Variants in ABCC5 observed in about 807,000 individuals in gnomAD.
ABCC5 encodes the protein ATP-binding cassette sub-family C member 5.
In ABCC5, 61 loss-of-function variants were observed where a neutral mutation model predicts 160.9. The observed-to-expected ratio is 0.38, with a 90% CI of 0.31 to 0.47. ABCC5 has a LOEUF of 0.47. Among genes scored for constraint, ABCC5 ranks in the 20% least tolerant of loss-of-function variants. The pLI is 0.99. For missense variants in ABCC5, 1,308 were observed against 1,813.3 expected (o/e 0.72, Z 5.06); for synonymous variants, 666 against 700.6 (o/e 0.95, Z 0.78).
rs752302116 is a variant in ABCC5, at chr3:183,950,034, C to T, written c.3036G>A (p.Pro1012=). 2.8e-5 allele frequency: 45 copies of T among 1,614,010 alleles called. No individual in the cohort carries two copies. Among genetic ancestry groups the T allele is most frequent in the African/African-American group, 9.3e-5 (7 of 74,902 alleles). ...FCVGMIAGVF[P]WFLVAVGPLV... ...GGGGCCCCACTGCCACAAGGAACCA[C>T]GGGAAGACTCCTGCGATCATTCCCA... The change falls in exon 21 of 30, where the codon CCG becomes CCA. Residue 1012 remains proline, a synonymous_variant. Coordinates refer to ENST00000334444, the MANE Select transcript of ABCC5 (RefSeq NM_005688.4).
intron 16 of ABCC5, 86 bp from the exon 17 acceptor site, chr3:183,959,921 T>A: frequency 1.1e-6 from 1 of 900,392 alleles, no homozygotes; most frequent in Non-Finnish European, 1.7e-6. Context: ...AATCATCAAT[T>A]AAACTGCTAT....
intron 2 of ABCC5, among the ~76,000 whole-genome samples, chr3:183,991,499 T>C (rs1486262588): frequency 6.6e-6 from 1 of 152,212 alleles, no homozygotes; most frequent in East Asian, 1.9e-4. Flanking sequence ...GGGTAGAATT[T>C]TGTATACAGG....
chr3:184,012,580 T>A (rs1721847570), intron 2 of ABCC5, among the ~76,000 whole-genome samples: 1 of 152,192 alleles, frequency 6.6e-6, no homozygotes. Context: ...TTGTACCGCC[T>A]AAAAAGCCTC....
chr3:183,961,427 G>A (rs747242797), intron 16 of ABCC5, 84 bp downstream of exon 16: 4 of 1,512,562 alleles, frequency 2.6e-6, no homozygotes, highest in Non-Finnish European at 3.6e-6. Flanking sequence ...ACTGGATTCA[G>A]CTGAGGTCTC....
chr3:183,951,362 T>G lies in ABCC5; in HGVS notation c.2944+79A>C. On this transcript the variant is annotated intron_variant, in intron 20 of 29. Transcript: ENST00000334444. This position sits in a 1 kb window ranked among gnomAD's most constrained non-coding sequence, Gnocchi z 4.7. Reference sequence around the variant, plus strand: ...CTCAGGATCTACAGACAGACAGATCTGCACATTTGGAGAATCATCTAGAAG... The same window carrying G: ...CTCAGGATCTACAGACAGACAGATCGGCACATTTGGAGAATCATCTAGAAG... The G allele has an allele frequency of 6.4e-7, 1 of 1,557,446 alleles. No individual in the cohort carries two copies. Among genetic ancestry groups the G allele is most frequent in the Non-Finnish European group, 8.7e-7 (1 of 1,149,282 alleles).
intron 17 of ABCC5, among the ~76,000 whole-genome samples, chr3:183,957,423 T>C (rs1577524885): frequency 7.4e-6 from 1 of 134,948 alleles, no homozygotes; most frequent in African/African-American, 2.8e-5. Context: ...ATCGGTTACA[T>C]GCAGATCCAT....
rs555424347 is a variant in ABCC5, at chr3:183,934,777, A to G, written c.3854+3124T>C. ...AGTGATCCTTCCGTCTCGGCCTCCC[A>G]AAGTGCTGGGATTATAGGCATAAGC... On this transcript the variant is annotated intron_variant, in intron 26 of 29. Transcript: ENST00000334444. Among the ~76,000 whole-genome samples the G allele has an allele frequency of 2.3e-3, 355 of 152,268 alleles. 3 individuals carry two copies. Among genetic ancestry groups the G allele is most frequent in the African/African-American group, 8.2e-3 (339 of 41,546 alleles).
At chr3:183,966,081 A>G (rs1189591004) in intron 12 of ABCC5, among the ~76,000 whole-genome samples, 2 of 152,314 alleles carry the variant, frequency 1.3e-5, no homozygotes, top group East Asian at 1.9e-4. Flanking sequence ...CAATGGTTTG[A>G]TATGAATTGA....
intron 2 of ABCC5, among the ~76,000 whole-genome samples, chr3:184,007,127 T>C (rs1044963124): frequency 3.3e-5 from 5 of 150,770 alleles, no homozygotes; most frequent in African/African-American, 1.2e-4. Flanking sequence ...TTCAAGCGAT[T>C]CTCCTGCCTC....
At chr3:183,934,023 T>C (rs992829442) in intron 26 of ABCC5, among the ~76,000 whole-genome samples, 3 of 152,098 alleles carry the variant, frequency 2.0e-5, no homozygotes, top group South Asian at 2.1e-4. Context: ...AAAAGAATAC[T>C]GGCTGGGCGC....
At chr3:183,981,908 G>C (rs772401264) in intron 7 of ABCC5, 34 bp from the exon 8 acceptor site, 1 of 1,575,334 alleles carries the variant, frequency 6.3e-7, no homozygotes, top group Non-Finnish European at 8.6e-7. Flanking sequence ...CCAAATTAAA[G>C]CTCATTCAAA....
chr3:183,941,978 A>AC (rs1415387956), intron 25 of ABCC5, among the ~76,000 whole-genome samples: 1 of 152,138 alleles, frequency 6.6e-6, no homozygotes, highest in Non-Finnish European at 1.5e-5. Flanking sequence ...GTCTCAAAAA[A>AC]AAAAAGAAGT....
chr3:183,926,752 T>A (rs976128343), intron 28 of ABCC5, among the ~76,000 whole-genome samples: 2 of 151,664 alleles, frequency 1.3e-5, no homozygotes, highest in African/African-American at 4.8e-5. Context: ...CTTGCAATTT[T>A]AAAATCTATG....
chr3:183,958,199 C>T (rs906765960), intron 17 of ABCC5, among the ~76,000 whole-genome samples: 4 of 152,184 alleles, frequency 2.6e-5, no homozygotes, highest in East Asian at 1.9e-4. Flanking sequence ...CATGCTTATC[C>T]GTGTGTATAT....
rs147355162 is a variant in ABCC5, at chr3:183,953,979, G to C, written c.2483-709C>G. ...TTCTGTTGGGCTAGGAAGGACCTGG[G>C]ATGGCTGATATTGCCACACCAGCTG... On this transcript the variant is annotated intron_variant, in intron 17 of 29. Transcript: ENST00000334444. Among the ~76,000 whole-genome samples, 758 of 152,304 alleles carry C rather than the reference G, an allele frequency of 5.0e-3. 11 individuals carry two copies. The highest frequency in any genetic ancestry group is 0.017 in the African/African-American group (709 of 41,556).
In ABCC5 at chr3:183,945,906, C is replaced by A. The variant is rs755404743; in HGVS notation, c.3448G>T (p.Ala1150Ser). ...GTGAATCGAGCTTCTGTCTCAGATG[C>A]CAGTCTGACCGTAAACTGGAACAGC... ...TGLFQFTVRL[A>S]SETEARFTSV... is the part of the protein sequence containing the mutation. Residue 1150 changes from alanine to serine, a missense_variant, in exon 24 of 30, where the codon GCA (alanine) becomes TCA (serine). Physicochemically the swap from Ala to Ser is moderately conservative, Grantham distance 99 (BLOSUM62 1). Transcript: ENST00000334444. The A allele has an allele frequency of 6.2e-7, 1 of 1,614,118 alleles. No homozygotes were observed. Among genetic ancestry groups the A allele is most frequent in the Admixed American group, 1.7e-5 (1 of 60,020 alleles).
chr3:183,957,511 C>T (rs972395724), intron 17 of ABCC5, among the ~76,000 whole-genome samples: 2 of 148,772 alleles, frequency 1.3e-5, no homozygotes, highest in African/African-American at 5.0e-5. Context: ...TAAATCACAT[C>T]GGTTACATGC....
chr3:183,921,389 C>T lies in ABCC5; in HGVS notation c.4225G>A (p.Asp1409Asn). ...TTGGACAGAAGGACCGATGGGGTGT[C>T]AAACTCCACCACCTGCAAAAGAAGG... is the stretch of plus-strand genomic sequence containing the variant. Reference protein sequence around the residue: ...VLAQGQVVEFDTPSVLLSNDS... With the variant: ...VLAQGQVVEFNTPSVLLSNDS... The change falls in exon 30 of 30, where the codon GAC becomes AAC. Residue 1409 changes from aspartate to asparagine, a missense_variant. Physicochemically the swap from Asp to Asn is conservative, Grantham distance 23. Around this residue, in one of 3 missense-constraint regions of ABCC5, gnomAD observed 163 missense variants for 269.7 expected, o/e 0.60. Coordinates refer to ENST00000334444, the MANE Select transcript of ABCC5 (RefSeq NM_005688.4). This position sits in a 1 kb window ranked among gnomAD's most constrained non-coding sequence, Gnocchi z 4.1. The T allele has an allele frequency of 6.2e-7, 1 of 1,612,894 alleles. No individual in the cohort carries two copies. Among genetic ancestry groups the T allele is most frequent in the Non-Finnish European group, 8.5e-7 (1 of 1,179,520 alleles).
At chr3:183,938,888 A>G (rs1251821398) in intron 25 of ABCC5, among the ~76,000 whole-genome samples, 1 of 152,226 alleles carries the variant, frequency 6.6e-6, no homozygotes, top group East Asian at 1.9e-4. Context: ...CGACTCAATG[A>G]GTAGCTGTCA....
Sources: gnomAD v4.1 joint callset for allele counts (sites outside exome capture counted in the v4.1 genomes callset) on GRCh38, gnomAD v4.1.1 for gene constraint, gnomAD v4.1.1 regional missense constraint, Gnocchi (gnomAD v3.1) non-coding constraint, MANE v1.5 for transcripts, NCBI Gene and HGNC (gene_info 2026-07-23, HGNC 2026-07-21) for gene names.